RPTOR: variants seen among roughly 807,000 people sequenced by gnomAD.
RPTOR encodes the protein regulatory associated protein of MTOR complex 1.
Under a neutral mutation model 169.9 loss-of-function variants are expected in RPTOR, and 21 were observed. The ratio of observed to expected loss-of-function variants is 0.12; its 90% CI spans 0.09 to 0.18. RPTOR has a LOEUF of 0.18. RPTOR is among the 10% of genes least tolerant of loss of function. The probability of loss-of-function intolerance (pLI) is 1.00; values close to 1 mark genes in which losing one functional copy is unlikely to be tolerated. For synonymous variants in RPTOR, 732 were observed against 753.2 expected, an observed-to-expected ratio of 0.97 and a Z score of 0.46; for missense variants, 1,133 against 1,855.9, an observed-to-expected ratio of 0.61 and a Z score of 7.16.
rs117176153 is a variant in RPTOR, at chr17:80,936,003, A to G, written c.2920-4493A>G. ...TGTTATACATAACCCTCAAAATTCCATGATAAAGGAAATAAGCAGCCCAAT... is the reference window on the plus strand; with the variant it reads ...TGTTATACATAACCCTCAAAATTCCGTGATAAAGGAAATAAGCAGCCCAAT... On this transcript the variant is annotated intron_variant, in intron 24 of 33. Coordinates refer to ENST00000306801, the MANE Select transcript of RPTOR (RefSeq NM_020761.3). The surrounding 1 kb of genome is among the most constrained non-coding windows in gnomAD (Gnocchi z 4.1). Among the ~76,000 whole-genome samples, 13,585 of 152,282 alleles carry G rather than the reference A, an allele frequency of 0.089. 785 individuals carry two copies. The highest frequency in any genetic ancestry group is 0.14 in the Non-Finnish European group (9,189 of 68,010).
Position 80,730,781 on chromosome 17 carries a change from G to A in RPTOR, c.654+75G>A. 1 of 1,203,690 alleles carries A rather than the reference G, an allele frequency of 8.3e-7. No individual in the cohort carries two copies. The highest frequency in any genetic ancestry group is 1.2e-6 in the Non-Finnish European group (1 of 840,900). 74.6% of individuals were successfully genotyped at this position (1,203,690 alleles called of 1,614,324 possible). A position where few individuals can be genotyped will look rare whatever the true frequency, so the allele number is the denominator to read the frequency against. ...CCTGGGGGTGGGGTTTGGGTGGGGA[G>A]GTTGGGAGGTGTTGGACATCCTCTG... is the stretch of plus-strand genomic sequence containing the variant. On this transcript the variant is annotated intron_variant, in intron 5 of 33. Coordinates refer to ENST00000306801, the MANE Select transcript of RPTOR (RefSeq NM_020761.3). This position sits in a 1 kb window ranked among gnomAD's most constrained non-coding sequence, Gnocchi z 4.2.
intron 2 of RPTOR, among the ~76,000 whole-genome samples, chr17:80,640,352 A>G (rs773780420): frequency 2.0e-5 from 3 of 152,210 alleles, no homozygotes; most frequent in Non-Finnish European, 4.4e-5. Context: ...ATTTAATTTT[A>G]GTTTATTTAA....
At chr17:80,547,006 T>G (rs911181277) in intron 1 of RPTOR, among the ~76,000 whole-genome samples, 1 of 152,098 alleles carries the variant, frequency 6.6e-6, no homozygotes, top group Admixed American at 6.6e-5. Flanking sequence ...GAGGCAGAGG[T>G]TGCAGTGAGC....
At position 80,567,803 on chromosome 17, in the gene RPTOR, AAAATAAAT is replaced by A. The variant is rs199905629; in HGVS notation, c.162+22036_162+22043del. On this transcript the variant is annotated intron_variant, in intron 1 of 33. Transcript: ENST00000306801. Reference sequence around the variant, plus strand: ...TGAGACTCTGTATCAAAAAATAAATAAAATAAATAAATAAATAAATAAATAAATAAAAG... The same window carrying A: ...TGAGACTCTGTATCAAAAAATAAATAAAATAAATAAATAAATAAATAAAAG... 2.8e-3 allele frequency among the ~76,000 whole-genome samples: 409 copies of A among 148,554 alleles called. 2 individuals are homozygous for A. The highest frequency in any genetic ancestry group is 8.8e-3 in the African/African-American group (361 of 40,968).
In RPTOR at chr17:80,844,850, GGAGGGTTCCTCCCGACCTCCTCTCAGAGA is replaced by G. The variant is rs1206006305; in HGVS notation, c.1213-1622_1213-1594del. ...GCCGACCCCGGCCAGATGAGCGGAG[GGAGGGTTCCTCCCGACCTCCTCTCAGAGA>G]CACGCACCTCCACTGCGGCCACCCA... On this transcript the variant is annotated intron_variant, in intron 10 of 33. Coordinates refer to ENST00000306801, the MANE Select transcript of RPTOR (RefSeq NM_020761.3). The surrounding 1 kb of genome is among the most constrained non-coding windows in gnomAD (Gnocchi z 4.7). Among the ~76,000 whole-genome samples, 1 of 152,222 alleles carries G rather than the reference GGAGGGTTCCTCCCGACCTCCTCTCAGAGA, an allele frequency of 6.6e-6. No homozygotes were observed. The highest frequency in any genetic ancestry group is 1.5e-5 in the Non-Finnish European group (1 of 68,040).
chr17:80,839,428 T>G (rs1013806967), intron 10 of RPTOR, among the ~76,000 whole-genome samples: 18 of 152,320 alleles, frequency 1.2e-4, no homozygotes, highest in African/African-American at 4.1e-4. Context: ...ATCTTTGTAT[T>G]CATGGGGTAT....
chr17:80,879,559 G>C (rs2068161973), intron 13 of RPTOR, among the ~76,000 whole-genome samples: 1 of 152,082 alleles, frequency 6.6e-6, no homozygotes, highest in East Asian at 1.9e-4. Context: ...TCAGCGTAAA[G>C]AGGTCTCCAA....
At chr17:80,731,019 G>GCACGC (rs1405734167) in intron 5 of RPTOR, among the ~76,000 whole-genome samples, 2 of 152,130 alleles carry the variant, frequency 1.3e-5, no homozygotes, top group Admixed American at 1.3e-4. Context: ...GACTACAGGT[G>GCACGC]CACGCCACGC....
chr17:80,678,266 G>T (rs746955688), intron 3 of RPTOR, among the ~76,000 whole-genome samples: 3 of 152,194 alleles, frequency 2.0e-5, no homozygotes, highest in Non-Finnish European at 2.9e-5. Context: ...GGTGGATGGC[G>T]AAAGGAAGAA....
chr17:80,870,972 A>C (rs2068045696), intron 13 of RPTOR, among the ~76,000 whole-genome samples: 1 of 152,142 alleles, frequency 6.6e-6, no homozygotes, highest in African/African-American at 2.4e-5. Flanking sequence ...CCCACATGAC[A>C]TTGAGTCCTC....
At chr17:80,626,061 A>T (rs546680191) in intron 2 of RPTOR, among the ~76,000 whole-genome samples, 43 of 151,832 alleles carry the variant, frequency 2.8e-4, no homozygotes, top group Non-Finnish European at 5.2e-4. Context: ...ATTTATTATT[A>T]TTATTTTTTT....
At chr17:80,911,910 C>T (rs55766603) in intron 21 of RPTOR, among the ~76,000 whole-genome samples, 2 of 152,212 alleles carry the variant, frequency 1.3e-5, no homozygotes, top group African/African-American at 4.8e-5. Flanking sequence ...ACAAACACCC[C>T]TGAGGAAACC....
chr17:80,897,156 G>A (rs868104689), intron 20 of RPTOR, among the ~76,000 whole-genome samples: 25 of 151,954 alleles, frequency 1.6e-4, no homozygotes, highest in African/African-American at 2.4e-5. Context: ...AGCTACTGGA[G>A]GAGAATCACT....
intron 25 of RPTOR, among the ~76,000 whole-genome samples, chr17:80,944,816 C>T (rs930164329): frequency 6.6e-6 from 1 of 152,078 alleles, no homozygotes; most frequent in African/African-American, 2.4e-5. Flanking sequence ...CATGGTGAAA[C>T]CCCGTCTCTA....
At position 80,730,787 on chromosome 17, in the gene RPTOR, G is replaced by A. The variant is rs2066385209; in HGVS notation, c.654+81G>A. 4.0e-6 allele frequency: 5 copies of A among 1,242,240 alleles called. No individual in the cohort carries two copies. The highest frequency in any genetic ancestry group is 5.7e-6 in the Non-Finnish European group (5 of 877,218). 77.0% of individuals were successfully genotyped at this position (1,242,240 alleles called of 1,614,324 possible). ...GGTGGGGTTTGGGTGGGGAGGTTGG[G>A]AGGTGTTGGACATCCTCTGAATGGA... is the stretch of plus-strand genomic sequence containing the variant. On this transcript the variant is annotated intron_variant, in intron 5 of 33. Transcript: ENST00000306801. This position sits in a 1 kb window ranked among gnomAD's most constrained non-coding sequence, Gnocchi z 4.2.
rs139746545 is a variant in RPTOR at position 80,952,855 on chromosome 17, CTTTTTTTTTTTT to C, written c.3370+3324_3370+3335del. ...CTCTCCCTTCTCTTTTTCTTTTCTT[CTTTTTTTTTTTT>C]TTTTTTTTTTTTTTTGAGGTGGAGT... is the stretch of plus-strand genomic sequence containing the variant. On this transcript the variant is annotated intron_variant, in intron 28 of 33. Coordinates refer to ENST00000306801, the MANE Select transcript of RPTOR (RefSeq NM_020761.3). 4.3e-4 allele frequency among the ~76,000 whole-genome samples: 42 copies of C among 98,064 alleles called. 1 individual carries two copies. Among genetic ancestry groups the C allele is most frequent in the Middle Eastern group, 0.01 (2 of 196 alleles). The allele number at this position is 98,064 out of a possible 152,430, so 64.3% of individuals were successfully genotyped here.
rs956166900 is a variant in RPTOR, at chr17:80,594,410, AG to A, written c.163-31279del. 5.1e-4 allele frequency among the ~76,000 whole-genome samples: 77 copies of A among 152,308 alleles called. No individual in the cohort carries two copies. The Middle Eastern group carries it at 0.02, about 40-fold the overall frequency. On this transcript the variant is annotated intron_variant, in intron 1 of 33. Transcript: ENST00000306801. ...CCCGGCCGTGCAGTTCTTTAAACGT[AG>A]GAAATGACCTTTGAGTTTTGAGTTC...
intron 6 of RPTOR, among the ~76,000 whole-genome samples, chr17:80,762,047 A>G (rs2066741755): frequency 6.6e-6 from 1 of 152,234 alleles, no homozygotes; most frequent in African/African-American, 2.4e-5. Flanking sequence ...GGCCGTTTCC[A>G]GAGGAAAATA....
intron 10 of RPTOR, among the ~76,000 whole-genome samples, chr17:80,842,358 C>A (rs1041477878): frequency 2.6e-5 from 4 of 151,926 alleles, no homozygotes; most frequent in Middle Eastern, 3.2e-3. Context: ...ACCCCACCTG[C>A]TAGCACCAAT....
Sources: gnomAD v4.1 joint callset for allele counts (sites outside exome capture counted in the v4.1 genomes callset) on GRCh38, gnomAD v4.1.1 for gene constraint, Gnocchi (gnomAD v3.1) non-coding constraint, MANE v1.5 for transcripts, NCBI Gene and HGNC (gene_info 2026-07-23, HGNC 2026-07-21) for gene names.